CLCN4: variants seen among roughly 807,000 people sequenced by gnomAD.
CLCN4 encodes Cl-/H+ antiporter 4, also known as H(+)/Cl(-) exchange transporter 4.
CLCN4 carries 1 observed loss-of-function variant against 41.7 expected under a neutral mutation model. The ratio of observed to expected loss-of-function variants is 0.02; its 90% CI spans 0.01 to 0.11. The LOEUF is 0.11. Among genes scored for constraint, CLCN4 ranks in the 10% least tolerant of loss-of-function variants. The probability of loss-of-function intolerance (pLI) is 1.00; values close to 1 mark genes in which losing one functional copy is unlikely to be tolerated. For missense variants in CLCN4, 287 were observed against 661.0 expected (o/e 0.43, Z 6.20); for synonymous variants, 277 against 285.8 (o/e 0.97, Z 0.31).
chrX:10,206,895 G>T (rs1602156586), intron 8 of CLCN4, 119 bp downstream of exon 8: 13 of 416,332 alleles, frequency 3.1e-5, no homozygotes, highest in East Asian at 1.9e-4. Context: ...AATTTCCACT[G>T]TTTTTTTTTT....
intron 6 of CLCN4, among the ~76,000 whole-genome samples, chrX:10,205,700 C>T (rs992905771): frequency 1.1e-4 from 12 of 106,329 alleles, no homozygotes; most frequent in Non-Finnish European, 1.9e-4. Context: ...CTTGACCTTC[C>T]GGGCTCAAGT....
At chrX:10,195,637 A>G in intron 5 of CLCN4, among the ~76,000 whole-genome samples, 1 of 111,959 alleles carries the variant, frequency 8.9e-6, no homozygotes, top group South Asian at 3.7e-4. Context: ...CTCCATTAGC[A>G]GTCACTCCCA....
chrX:10,185,560 A>G (rs1297361057), intron 3 of CLCN4, among the ~76,000 whole-genome samples: 1 of 112,309 alleles, frequency 8.9e-6, no homozygotes, highest in Non-Finnish European at 1.9e-5. Context: ...ATGGACCACA[A>G]TGGTTATCTG....
intron 3 of CLCN4, among the ~76,000 whole-genome samples, chrX:10,186,460 G>A (rs771809560): frequency 9.0e-6 from 1 of 111,512 alleles, no homozygotes; most frequent in East Asian, 2.9e-4. Context: ...AGGGTGTTGT[G>A]TAGGGGCCTG....
chrX:10,205,845 C>T (rs1479172822), intron 6 of CLCN4, among the ~76,000 whole-genome samples: 1 of 109,418 alleles, frequency 9.1e-6, no homozygotes, highest in East Asian at 2.9e-4. Flanking sequence ...TTTTGAACTC[C>T]TGGGCTCAAG....
chrX:10,173,847 C>G (rs2239939), intron 2 of CLCN4, among the ~76,000 whole-genome samples: 15,717 of 111,483 alleles, frequency 0.14, 1,657 homozygotes, highest in East Asian at 0.84. Context: ...ATGTAGGGAG[C>G]CTGGGCTCAG....
chrX:10,188,932 G>C (rs1359374841), intron 4 of CLCN4, among the ~76,000 whole-genome samples: 1 of 112,100 alleles, frequency 8.9e-6, no homozygotes, highest in Non-Finnish European at 1.9e-5. Context: ...GCTCAGAGGG[G>C]GAGTTCTTTC....
chrX:10,205,743 G>A (rs1215266734), intron 6 of CLCN4, among the ~76,000 whole-genome samples: 2 of 107,751 alleles, frequency 1.9e-5, no homozygotes, highest in Non-Finnish European at 3.8e-5. Flanking sequence ...AAGTAGCTAG[G>A]ACCACAGGTG....
chrX:10,207,349 G>A (rs1335182856), intron 8 of CLCN4, among the ~76,000 whole-genome samples: 2 of 112,410 alleles, frequency 1.8e-5, no homozygotes, highest in African/African-American at 6.5e-5. Context: ...TAACCCAAAC[G>A]GGTTATTCCA....
intron 2 of CLCN4, among the ~76,000 whole-genome samples, chrX:10,175,974 G>C (rs200215474): frequency 0.18 from 9,285 of 51,910 alleles, 798 homozygotes; most frequent in East Asian, 0.58. Flanking sequence ...CTCTCTCTGT[G>C]TGTGTGTGTA....
chrX:10,176,293 G>C (rs1358714145), intron 2 of CLCN4, among the ~76,000 whole-genome samples: 1 of 112,405 alleles, frequency 8.9e-6, no homozygotes, highest in Non-Finnish European at 1.9e-5. Context: ...GGCCGGCAAA[G>C]CACAGCCTGC....
At position 10,236,452 on chromosome X, in the gene CLCN4, G is replaced by A. The variant is rs566932166; in HGVS notation, c.*2868G>A. 5.3e-5 allele frequency: 6 copies of A among 112,297 alleles called. No homozygotes were observed. The highest frequency in any genetic ancestry group is 1.9e-4 in the African/African-American group (6 of 30,902). 9.3% of individuals were successfully genotyped at this position (112,297 alleles called of 1,213,427 possible). On this transcript the variant is annotated 3_prime_UTR_variant, in exon 13 of 13. Coordinates refer to ENST00000380833, the MANE Select transcript of CLCN4 (RefSeq NM_001830.4). ...GGACAGGTGGACTAAGGTCAAGGAT[G>A]AGGAGTCTGCAGTGGGGACTACCAC...
chrX:10,217,963 G>A (rs190839709), intron 11 of CLCN4, among the ~76,000 whole-genome samples: 2,394 of 110,288 alleles, frequency 0.022, 17 homozygotes, highest in Non-Finnish European at 0.032. Flanking sequence ...GGCTGGTCTC[G>A]AACTCCTGAT....
chrX:10,193,374 A>G (rs1439894219), intron 4 of CLCN4, among the ~76,000 whole-genome samples: 1 of 112,372 alleles, frequency 8.9e-6, no homozygotes, highest in Non-Finnish European at 1.9e-5. Flanking sequence ...ATAGTAGGAT[A>G]TGAATAAGGT....
chrX:10,217,811 C>T (rs1409756830), intron 11 of CLCN4, among the ~76,000 whole-genome samples: 15 of 107,144 alleles, frequency 1.4e-4, no homozygotes, highest in African/African-American at 4.1e-4. Flanking sequence ...GGCGACATCT[C>T]GGCTCACCCC....
At chrX:10,173,557 C>T (rs765520551) in intron 2 of CLCN4, among the ~76,000 whole-genome samples, 1 of 111,541 alleles carries the variant, frequency 9.0e-6, no homozygotes, top group South Asian at 3.8e-4. Flanking sequence ...GCTTAATCTC[C>T]TCCCTCTGTG....
At chrX:10,227,247 C>T (rs191941152) in intron 12 of CLCN4, among the ~76,000 whole-genome samples, 1 of 111,452 alleles carries the variant, frequency 9.0e-6, no homozygotes, top group East Asian at 2.8e-4. Flanking sequence ...GCTGGTTCAA[C>T]ATACACAAAT....
At chrX:10,190,198 A>G (rs1431855081) in intron 4 of CLCN4, among the ~76,000 whole-genome samples, 2 of 111,539 alleles carry the variant, frequency 1.8e-5, no homozygotes, top group Admixed American at 1.9e-4. Context: ...TGTATTGTAT[A>G]TTTCAAAATT....
chrX:10,179,960 G>T (rs1392963005), intron 2 of CLCN4, among the ~76,000 whole-genome samples: 1 of 111,877 alleles, frequency 8.9e-6, no homozygotes, highest in East Asian at 2.8e-4. Flanking sequence ...CGCTGTTCTG[G>T]AGTCTGTGTT....
Sources: allele counts gnomAD v4.1 joint callset (sites outside exome capture counted in the v4.1 genomes callset), GRCh38; gene constraint gnomAD v4.1.1; transcripts MANE v1.5; gene names NCBI Gene and HGNC (gene_info 2026-07-23, HGNC 2026-07-21).